Variants in NRG3 observed in about 807,000 individuals in gnomAD.
The protein encoded by NRG3 is neuregulin 3, also known as pro-neuregulin-3, membrane-bound isoform.
In NRG3, 31 loss-of-function variants were observed where a neutral mutation model predicts 66.9. That is an observed-to-expected ratio of 0.46 (90% CI 0.35 to 0.63). The LOEUF (loss-of-function observed/expected upper bound fraction) is 0.63. Ranked by LOEUF, NRG3 falls within the 20% of genes least tolerant of loss-of-function variation. NRG3 has a pLI of 0.00. For synonymous variants in NRG3, 393 were observed against 359.4 expected (o/e 1.09, Z -1.06); for missense variants, 910 against 878.9 (o/e 1.04, Z -0.45).
intron 1 of NRG3, among the ~76,000 whole-genome samples, chr10:82,283,213 G>A (rs373107547): frequency 5.3e-5 from 8 of 152,102 alleles, no homozygotes; most frequent in African/African-American, 1.9e-4. Flanking sequence ...TAGTTCTGAA[G>A]TGGAATCAAA....
intron 2 of NRG3, among the ~76,000 whole-genome samples, chr10:82,452,443 A>G (rs1363408069): frequency 6.6e-6 from 1 of 152,184 alleles, no homozygotes; most frequent in Admixed American, 6.5e-5. Flanking sequence ...CGTTAAATTT[A>G]TTCCTTGTGG....
intron 1 of NRG3, among the ~76,000 whole-genome samples, chr10:81,896,398 G>T (rs1434683464): frequency 6.6e-6 from 1 of 152,124 alleles, no homozygotes; most frequent in African/African-American, 2.4e-5. Context: ...TAGGTTGATT[G>T]TTTTTAAGAA....
chr10:82,115,128 C>T (rs7085123), intron 1 of NRG3, among the ~76,000 whole-genome samples: 8,880 of 152,026 alleles, frequency 0.058, 529 homozygotes, highest in African/African-American at 0.15. Context: ...CTTAGAGTAC[C>T]CCTGTGGCCT....
At chr10:82,389,107 C>A (rs1042778051) in intron 2 of NRG3, among the ~76,000 whole-genome samples, 1 of 152,128 alleles carries the variant, frequency 6.6e-6, no homozygotes, top group African/African-American at 2.4e-5. Flanking sequence ...ATTCACCCCC[C>A]TAACCACAAA....
At chr10:82,518,960 G>A (rs1845945875) in intron 2 of NRG3, among the ~76,000 whole-genome samples, 1 of 152,184 alleles carries the variant, frequency 6.6e-6, no homozygotes, top group Non-Finnish European at 1.5e-5. Flanking sequence ...ATGATATTAT[G>A]TGTGTTCCCC....
At chr10:82,621,579 A>G (rs2049042182) in intron 2 of NRG3, among the ~76,000 whole-genome samples, 1 of 152,224 alleles carries the variant, frequency 6.6e-6, no homozygotes, top group South Asian at 2.1e-4. Context: ...GAGCCCACTA[A>G]AAAGTACTTT....
chr10:82,001,551 A>G (rs2133682141), intron 1 of NRG3, among the ~76,000 whole-genome samples: 1 of 152,170 alleles, frequency 6.6e-6, no homozygotes, highest in Admixed American at 6.5e-5. Flanking sequence ...AGAAGGAAAA[A>G]GAAGAGAGGA....
intron 3 of NRG3, among the ~76,000 whole-genome samples, chr10:82,805,336 T>C (rs1430901410): frequency 6.6e-6 from 1 of 152,214 alleles, no homozygotes; most frequent in Admixed American, 6.5e-5. Flanking sequence ...GTCTCATTTT[T>C]TCAGCATACT....
At chr10:82,009,438 C>G (rs1238844158) in intron 1 of NRG3, among the ~76,000 whole-genome samples, 2 of 152,108 alleles carry the variant, frequency 1.3e-5, no homozygotes, top group Non-Finnish European at 2.9e-5. Context: ...TTTCACCAAG[C>G]ATACATACCT....
At chr10:81,891,123 C>T (rs1011908641) in intron 1 of NRG3, among the ~76,000 whole-genome samples, 2 of 152,160 alleles carry the variant, frequency 1.3e-5, no homozygotes, top group African/African-American at 2.4e-5. Flanking sequence ...TTATCAGTAA[C>T]GTGCAATTGG....
intron 2 of NRG3, among the ~76,000 whole-genome samples, chr10:82,542,265 T>C (rs2043595909): frequency 6.6e-6 from 1 of 152,150 alleles, no homozygotes; most frequent in Non-Finnish European, 1.5e-5. Context: ...TTTAGAGAAA[T>C]AGCTGATTAC....
chr10:82,782,478 T>C (rs1407021440), intron 3 of NRG3, among the ~76,000 whole-genome samples: 1 of 152,126 alleles, frequency 6.6e-6, no homozygotes, highest in Non-Finnish European at 1.5e-5. Context: ...ATAAACAGAA[T>C]ACCTAGTCTC....
At chr10:81,926,046 A>T (rs10883921) in intron 1 of NRG3, among the ~76,000 whole-genome samples, 46 of 152,110 alleles carry the variant, frequency 3.0e-4, no homozygotes, top group South Asian at 1.2e-3. Context: ...ATGCGAATGT[A>T]ATTTTCCTCT....
intron 3 of NRG3, among the ~76,000 whole-genome samples, chr10:82,824,275 A>G (rs1472599104): frequency 6.6e-6 from 1 of 152,180 alleles, no homozygotes; most frequent in Admixed American, 6.5e-5. Context: ...CTTTTTATCA[A>G]CTGATGGGCA....
chr10:82,647,055 C>T (rs1202688203), intron 2 of NRG3, among the ~76,000 whole-genome samples: 4 of 150,222 alleles, frequency 2.7e-5, no homozygotes, highest in African/African-American at 9.8e-5. Flanking sequence ...GCACAATGTG[C>T]AGGTTAGTTA....
At chr10:81,969,885 C>T (rs1346793268) in intron 1 of NRG3, among the ~76,000 whole-genome samples, 2 of 152,036 alleles carry the variant, frequency 1.3e-5, no homozygotes, top group East Asian at 3.9e-4. Flanking sequence ...TCAATCTCTT[C>T]ATACAGATTT....
chr10:82,365,439 G>A (rs538630450), intron 2 of NRG3, among the ~76,000 whole-genome samples: 1 of 152,106 alleles, frequency 6.6e-6, no homozygotes, highest in African/African-American at 2.4e-5. Context: ...TAAGTAATTT[G>A]CAATAGCCAT....
intron 1 of NRG3, among the ~76,000 whole-genome samples, chr10:81,942,778 C>T (rs760248798): frequency 3.3e-5 from 5 of 152,006 alleles, no homozygotes; most frequent in South Asian, 2.1e-4. Flanking sequence ...ATAAGGACTA[C>T]GAGGACAGCA....
intron 4 of NRG3, among the ~76,000 whole-genome samples, chr10:82,907,552 T>C (rs1481817181): frequency 6.6e-6 from 1 of 152,214 alleles, no homozygotes; most frequent in Non-Finnish European, 1.5e-5. Flanking sequence ...TAATTTATCA[T>C]CAATTATTTA....
Sources: gnomAD v4.1 joint callset for allele counts (sites outside exome capture counted in the v4.1 genomes callset) on GRCh38, gnomAD v4.1.1 for gene constraint, MANE v1.5 for transcripts, NCBI Gene and HGNC (gene_info 2026-07-23, HGNC 2026-07-21) for gene names.